Variants in ANKFY1 observed in about 807,000 individuals in gnomAD.
ANKFY1 encodes the protein ankyrin repeat and FYVE domain containing 1, also known as ankyrin repeat and FYVE domain-containing protein 1.
A neutral mutation model predicts 128.3 loss-of-function variants in ANKFY1; 47 were observed. The observed-to-expected ratio is 0.37, with a 90% confidence interval of 0.29 to 0.47. The LOEUF (loss-of-function observed/expected upper bound fraction) is 0.47, where lower values mean the gene tolerates loss of function less well. Ranked by LOEUF, ANKFY1 falls within the 20% of genes least tolerant of loss-of-function variation. The pLI is 1.00. For synonymous variants in ANKFY1, 553 were observed against 601.6 expected (o/e 0.92, Z 1.18); for missense variants, 1,222 against 1,510.6 (o/e 0.81, Z 3.17).
intron 7 of ANKFY1, among the ~76,000 whole-genome samples, chr17:4,202,577 G>A (rs930569000): frequency 1.6e-5 from 2 of 126,642 alleles, no homozygotes; most frequent in Non-Finnish European, 3.3e-5. Flanking sequence ...CGCGCCTGTA[G>A]TCCCAGCTAC....
rs1966880047 is a variant in ANKFY1 at position 4,235,757 on chromosome 17, C to T, written c.322+15G>A. The T allele has an allele frequency of 6.3e-7, 1 of 1,595,796 alleles. No individual in the cohort carries two copies. Among genetic ancestry groups the T allele is most frequent in the African/African-American group, 1.3e-5 (1 of 74,518 alleles). ...CCGCTAGCAGTTTTGTGTCCCTGAT[C>T]ACTCAAAGGCTCACCTGACAGGTCC... On this transcript the variant is annotated intron_variant, in intron 3 of 24. Coordinates refer to ENST00000341657, the MANE Select transcript of ANKFY1 (RefSeq NM_001330063.2).
intron 1 of ANKFY1, among the ~76,000 whole-genome samples, chr17:4,259,277 A>C (rs551300607): frequency 1.3e-5 from 2 of 152,272 alleles, no homozygotes; most frequent in Admixed American, 6.5e-5. Flanking sequence ...CTTAAACACT[A>C]CATTTTATTT....
intron 3 of ANKFY1, among the ~76,000 whole-genome samples, chr17:4,233,498 T>C (rs2060549388): frequency 1.3e-5 from 2 of 152,236 alleles, no homozygotes. Flanking sequence ...GGTGTGTATG[T>C]GCATTTGTAT....
At chr17:4,253,464 C>T (rs71366597) in intron 1 of ANKFY1, among the ~76,000 whole-genome samples, 32 of 152,184 alleles carry the variant, frequency 2.1e-4, no homozygotes, top group Non-Finnish European at 3.8e-4. Context: ...AATCTAACAA[C>T]AAACTCCTTC....
chr17:4,183,556 G>C lies in ANKFY1; in HGVS notation c.1799-5C>G, dbSNP rs1160019883. On this transcript the variant is annotated splice_region_variant and splice_polypyrimidine_tract_variant and intron_variant, in intron 13 of 24. Transcript: ENST00000341657. ...GGGCTGCGATCGTGTGCATGCCTGG[G>C]AAACAAGCCCCGATCTCATCCAGGC... is the stretch of plus-strand genomic sequence containing the variant. 1 of 1,611,540 alleles carries C rather than the reference G, an allele frequency of 6.2e-7. No individual in the cohort carries two copies. Among genetic ancestry groups the C allele is most frequent in the Non-Finnish European group, 8.5e-7 (1 of 1,179,914 alleles).
intron 3 of ANKFY1, among the ~76,000 whole-genome samples, chr17:4,227,970 A>G (rs1484062441): frequency 6.6e-6 from 1 of 152,224 alleles, no homozygotes; most frequent in Non-Finnish European, 1.5e-5. Flanking sequence ...TAGTTTCTTA[A>G]CATTAAACAG....
chr17:4,256,873 A>G (rs1968159105), intron 1 of ANKFY1, among the ~76,000 whole-genome samples: 1 of 152,178 alleles, frequency 6.6e-6, no homozygotes, highest in Non-Finnish European at 1.5e-5. Flanking sequence ...GGCATGACTT[A>G]CACATCTTTC....
chr17:4,234,239 T>G (rs1467238951), intron 3 of ANKFY1, among the ~76,000 whole-genome samples: 1 of 152,218 alleles, frequency 6.6e-6, no homozygotes, highest in Non-Finnish European at 1.5e-5. Flanking sequence ...AACCACGTAA[T>G]GACACATTCT....
intron 11 of ANKFY1, chr17:4,186,764 C>G: frequency 2.1e-6 from 2 of 963,588 alleles, no homozygotes; most frequent in Non-Finnish European, 2.5e-6. Flanking sequence ...CTTCTTCCTA[C>G]GCATTCTCCT....
intron 19 of ANKFY1, 110 bp from the exon 20 acceptor site, chr17:4,174,166 C>G: frequency 7.7e-7 from 1 of 1,293,924 alleles, no homozygotes; most frequent in Non-Finnish European, 1.1e-6. Flanking sequence ...GATGGCCTGC[C>G]CTGCTGACAG....
chr17:4,173,183 A>G (rs985115409), intron 21 of ANKFY1, among the ~76,000 whole-genome samples, 171 bp downstream of exon 21: 2 of 152,224 alleles, frequency 1.3e-5, no homozygotes, highest in Non-Finnish European at 2.9e-5. Flanking sequence ...TTTTTTATTA[A>G]AACAAAAATA....
intron 11 of ANKFY1, chr17:4,188,737 A>G (rs899735989): frequency 6.6e-6 from 1 of 152,198 alleles, no homozygotes; most frequent in South Asian, 2.1e-4. Context: ...GTGGTGGTGC[A>G]TCCCTGCAAT....
Position 4,169,099 on chromosome 17 carries a change from C to A in ANKFY1, c.3377+99G>T. On this transcript the variant is annotated intron_variant, in intron 24 of 24. Coordinates refer to ENST00000341657, the MANE Select transcript of ANKFY1 (RefSeq NM_001330063.2). This position sits in a 1 kb window ranked among gnomAD's most constrained non-coding sequence, Gnocchi z 5.0. The stretch of plus-strand genomic sequence containing the variant: ...TGGTCAAGGTTTGCCCATCAATGTG[C>A]AGGACCCAGGCAAGTTCACGGCCTG... 1 of 1,133,486 alleles carries A rather than the reference C, an allele frequency of 8.8e-7. No individual in the cohort carries two copies. The highest frequency in any genetic ancestry group is 1.3e-6 in the Non-Finnish European group (1 of 777,956). The allele number at this position is 1,133,486 out of a possible 1,614,324, so 70.2% of individuals were successfully genotyped here.
chr17:4,178,438 C>T lies in ANKFY1; in HGVS notation c.2598+419G>A. On this transcript the variant is annotated intron_variant, in intron 18 of 24. Coordinates refer to ENST00000341657, the MANE Select transcript of ANKFY1 (RefSeq NM_001330063.2). The surrounding 1 kb of genome is among the most constrained non-coding windows in gnomAD (Gnocchi z 4.1). ...CCCGATGTAGCAGCTGGTAAAGAAC[C>T]ACAAAGAACAAGGACAGCCGAGGCT... 1 of 207,542 alleles carries T rather than the reference C, an allele frequency of 4.8e-6. No individual in the cohort carries two copies. Among genetic ancestry groups the T allele is most frequent in the Non-Finnish European group, 1.0e-5 (1 of 99,132 alleles). 12.9% of individuals were successfully genotyped at this position (207,542 alleles called of 1,614,324 possible).
At chr17:4,222,198 C>T (rs551290863) in intron 3 of ANKFY1, 5 of 166,924 alleles carry the variant, frequency 3.0e-5, no homozygotes, top group African/African-American at 1.0e-4. Flanking sequence ...CCCTGCTGCC[C>T]GCGCCTGGCG....
At chr17:4,203,836 AAAAAAAAAG>A (rs1276565505) in intron 7 of ANKFY1, among the ~76,000 whole-genome samples, 3 of 141,058 alleles carry the variant, frequency 2.1e-5, no homozygotes, top group Non-Finnish European at 4.6e-5. Flanking sequence ...ACAAAAAAAA[AAAAAAAAAG>A]AAAGAAAGAA....
rs752242872 is a variant in ANKFY1 at position 4,182,290 on chromosome 17, A to G, written c.2012T>C (p.Val671Ala). The G allele has an allele frequency of 1.9e-6, 3 of 1,594,626 alleles. No homozygotes were observed. The highest frequency in any genetic ancestry group is 2.6e-6 in the Non-Finnish European group (3 of 1,169,724). Residue 671 changes from valine (V) to alanine (A), a missense_variant, in exon 15 of 25, where the codon GTT becomes GCT. Coordinates refer to ENST00000341657, the MANE Select transcript of ANKFY1 (RefSeq NM_001330063.2). Reference sequence around the variant, plus strand: ...AGCTCCTCGGGTGCATATGGCATCAACTACGAGTGGAAGCTGGTTTCTGAT... The same window carrying G: ...AGCTCCTCGGGTGCATATGGCATCAGCTACGAGTGGAAGCTGGTTTCTGAT... ...LAIRNQLPLV[V>A]DAICTRGADM...
chr17:4,180,895 T>TA (rs1387903574), intron 16 of ANKFY1: 2 of 196,462 alleles, frequency 1.0e-5, no homozygotes, highest in African/African-American at 4.6e-5. Context: ...CAGAGCCTGT[T>TA]ACGACTCACA....
intron 1 of ANKFY1, among the ~76,000 whole-genome samples, chr17:4,244,695 C>T (rs982130622): frequency 5.9e-5 from 9 of 151,984 alleles, no homozygotes; most frequent in African/African-American, 2.2e-4. Flanking sequence ...TTCCCATCTC[C>T]CCTTTGCTTC....
Sources: allele counts gnomAD v4.1 joint callset (sites outside exome capture counted in the v4.1 genomes callset), GRCh38; gene constraint gnomAD v4.1.1; non-coding constraint Gnocchi (gnomAD v3.1); transcripts MANE v1.5; gene names NCBI Gene and HGNC (gene_info 2026-07-23, HGNC 2026-07-21).